MAPK10: variants seen among roughly 807,000 people sequenced by gnomAD.
MAPK10 encodes the protein mitogen-activated protein kinase 10.
In MAPK10, 25 loss-of-function variants were observed where a neutral mutation model predicts 59.3. The ratio of observed to expected loss-of-function variants is 0.42; its 90% CI spans 0.31 to 0.59. The LOEUF (loss-of-function observed/expected upper bound fraction) is 0.59, where lower values mean the gene tolerates loss of function less well. MAPK10 is among the 20% of genes least tolerant of loss of function. The pLI is 0.15. For synonymous variants in MAPK10, 190 were observed against 200.5 expected (o/e 0.95, Z 0.44); for missense variants, 351 against 568.9 (o/e 0.62, Z 3.90).
At chr4:86,019,662 CTAA>C (rs2148893627) in intron 13 of MAPK10, among the ~76,000 whole-genome samples, 1 of 152,116 alleles carries the variant, frequency 6.6e-6, no homozygotes, top group East Asian at 1.9e-4. Context: ...TCATAAGTTG[CTAA>C]TAATTTAGTG....
At chr4:86,517,293 T>TG (rs1351963255) in intron 1 of MAPK10, among the ~76,000 whole-genome samples, 1 of 140,970 alleles carries the variant, frequency 7.1e-6, no homozygotes, top group Non-Finnish European at 1.6e-5. Context: ...TTTTTTTTTT[T>TG]GAGACGGAGT....
At chr4:86,237,729 T>C (rs970609454) in intron 2 of MAPK10, among the ~76,000 whole-genome samples, 1 of 152,224 alleles carries the variant, frequency 6.6e-6, no homozygotes, top group Admixed American at 6.5e-5. Context: ...AAGTTCCTTG[T>C]AAAACCTGGA....
At chr4:86,161,993 A>C (rs1011827213) in intron 3 of MAPK10, among the ~76,000 whole-genome samples, 2 of 151,944 alleles carry the variant, frequency 1.3e-5, no homozygotes, top group African/African-American at 4.8e-5. Context: ...CATGTCACTT[A>C]TCTCTCAGGT....
At chr4:86,186,774 T>A (rs1376448375) in intron 3 of MAPK10, among the ~76,000 whole-genome samples, 3 of 152,246 alleles carry the variant, frequency 2.0e-5, no homozygotes, top group East Asian at 1.9e-4. Flanking sequence ...CAATTATATA[T>A]GACAACAGGG....
chr4:86,586,350 C>G (rs931229047), intron 1 of MAPK10, among the ~76,000 whole-genome samples: 1 of 152,174 alleles, frequency 6.6e-6, no homozygotes, highest in African/African-American at 2.4e-5. Flanking sequence ...TTGGTATCAT[C>G]AGCCCCGAGG....
chr4:86,430,289 T>C (rs1747862652), intron 1 of MAPK10, among the ~76,000 whole-genome samples: 1 of 152,258 alleles, frequency 6.6e-6, no homozygotes. Flanking sequence ...TGTTATTAAA[T>C]GTATCAATGG....
chr4:86,333,708 C>A (rs1326097500), intron 2 of MAPK10, among the ~76,000 whole-genome samples: 1 of 152,208 alleles, frequency 6.6e-6, no homozygotes, highest in Non-Finnish European at 1.5e-5. Context: ...TCAGCTCTAC[C>A]ATATACTGGT....
At chr4:86,365,399 T>A (rs1032601035) in intron 1 of MAPK10, among the ~76,000 whole-genome samples, 2 of 112,440 alleles carry the variant, frequency 1.8e-5, no homozygotes, top group African/African-American at 6.9e-5. Flanking sequence ...ACCATTGCGC[T>A]CCAGCCTGGG....
At chr4:86,177,807 T>C (rs1414980055) in intron 3 of MAPK10, among the ~76,000 whole-genome samples, 4 of 152,120 alleles carry the variant, frequency 2.6e-5, no homozygotes, top group Admixed American at 1.3e-4. Flanking sequence ...CAAAAAGTAA[T>C]AGTAAATCAA....
At chr4:86,086,706 T>A (rs2051948691) in intron 9 of MAPK10, among the ~76,000 whole-genome samples, 1 of 152,140 alleles carries the variant, frequency 6.6e-6, no homozygotes, top group South Asian at 2.1e-4. Flanking sequence ...ATGGCATATC[T>A]CCAGCTCTAT....
intron 3 of MAPK10, among the ~76,000 whole-genome samples, chr4:86,161,770 G>A (rs533047916): frequency 6.6e-6 from 1 of 151,996 alleles, no homozygotes; most frequent in Non-Finnish European, 1.5e-5. Context: ...TTTCTCAACT[G>A]TATTGCATGT....
At chr4:86,054,473 GT>G (rs201005917) in intron 11 of MAPK10, among the ~76,000 whole-genome samples, 1,641 of 152,264 alleles carry the variant, frequency 0.011, 17 homozygotes, top group Non-Finnish European at 0.015. Flanking sequence ...AAGGCAATTA[GT>G]AAACTGCTCA....
In MAPK10 at chr4:86,486,983, G is replaced by GTGA. The variant is rs201089202; in HGVS notation, c.-263+106924_-263+106926dup. Among the ~76,000 whole-genome samples, 1,117 of 152,222 alleles carry GTGA rather than the reference G, an allele frequency of 7.3e-3. 19 individuals are homozygous for GTGA. The highest frequency in any genetic ancestry group is 0.025 in the African/African-American group (1,031 of 41,522). ...TCAAGAAACATCAGACAAACCCAAA[G>GTGA]TGATGAACATTCTGTCACATAGCCG... On this transcript the variant is annotated intron_variant, in intron 1 of 4. Transcript: ENST00000502302.
At chr4:86,340,960 T>A (rs12513293) in intron 2 of MAPK10, among the ~76,000 whole-genome samples, 111,242 of 152,120 alleles carry the variant, frequency 0.73, 41,269 homozygotes, top group South Asian at 0.9. Flanking sequence ...AATATAATTC[T>A]CTATTAGCAA....
chr4:86,223,509 T>C (rs994327019), intron 2 of MAPK10, among the ~76,000 whole-genome samples: 7 of 152,188 alleles, frequency 4.6e-5, no homozygotes, highest in Non-Finnish European at 8.8e-5. Context: ...CAACTCCACA[T>C]ACCCACTTGC....
At chr4:86,577,361 G>C (rs775781508) in intron 1 of MAPK10, among the ~76,000 whole-genome samples, 7 of 151,950 alleles carry the variant, frequency 4.6e-5, no homozygotes, top group Non-Finnish European at 7.4e-5. Flanking sequence ...TAAATCAAAA[G>C]AGCAAACTAG....
chr4:86,375,347 C>T (rs1167053616), intron 1 of MAPK10, among the ~76,000 whole-genome samples: 2 of 151,994 alleles, frequency 1.3e-5, no homozygotes, highest in Non-Finnish European at 2.9e-5. Flanking sequence ...ACAAGTAACA[C>T]CAAGAACTTG....
intron 1 of MAPK10, among the ~76,000 whole-genome samples, chr4:86,470,225 G>A (rs1022880108): frequency 1.3e-4 from 20 of 152,074 alleles, no homozygotes; most frequent in African/African-American, 4.8e-4. Context: ...AAGGCATCTG[G>A]CTTCTAAATG....
rs537396947 is a variant in MAPK10 at position 86,511,574 on chromosome 4, G to T, written c.-263+82336C>A. Among the ~76,000 whole-genome samples, 5 of 147,826 alleles carry T rather than the reference G, an allele frequency of 3.4e-5. No individual in the cohort carries two copies. The East Asian group carries it at 9.9e-4, about 29-fold the overall frequency. ...AGAACCAGATCTTGTCTTCAAAAAA[G>T]AAAAAACAAGGAGGAAAGAAGAAGG... On this transcript the variant is annotated intron_variant, in intron 1 of 4. Transcript: ENST00000502302.
Sources: gnomAD v4.1 joint callset for allele counts (sites outside exome capture counted in the v4.1 genomes callset) on GRCh38, gnomAD v4.1.1 for gene constraint, MANE v1.5 for transcripts, NCBI Gene and HGNC (gene_info 2026-07-23, HGNC 2026-07-21) for gene names.